The following KCNMB4 variants were observed in gnomAD, a reference collection of about 807,000 sequenced individuals.
KCNMB4 encodes calcium-activated potassium channel subunit beta-4.
A neutral mutation model predicts 20.7 loss-of-function variants in KCNMB4; 3 were observed. The ratio of observed to expected loss-of-function variants is 0.14; its 90% CI spans 0.07 to 0.37. KCNMB4 has a LOEUF of 0.37. Ranked by LOEUF, KCNMB4 falls within the 10% of genes least tolerant of loss-of-function variation. KCNMB4 has a pLI of 1.00. For synonymous variants in KCNMB4, 110 were observed against 113.4 expected (o/e 0.97, Z 0.19); for missense variants, 168 against 265.9 (o/e 0.63, Z 2.56).
intron 2 of KCNMB4, among the ~76,000 whole-genome samples, chr12:70,412,183 T>A (rs541610150): frequency 6.6e-6 from 1 of 152,336 alleles, no homozygotes; most frequent in East Asian, 1.9e-4. Flanking sequence ...CCTGGGTAAC[T>A]GTTTTGGAGG....
intron 1 of KCNMB4, among the ~76,000 whole-genome samples, chr12:70,391,933 T>G (rs1017793625): frequency 1.3e-5 from 2 of 152,188 alleles, no homozygotes; most frequent in African/African-American, 4.8e-5. Flanking sequence ...TGAAATGGGA[T>G]GTATATTAAT....
intron 2 of KCNMB4, among the ~76,000 whole-genome samples, chr12:70,424,459 T>C (rs1309889546): frequency 2.0e-4 from 17 of 84,020 alleles, no homozygotes; most frequent in Admixed American, 5.0e-4. Flanking sequence ...AAAAAAAAAA[T>C]ATTGCAAAGG....
intron 2 of KCNMB4, among the ~76,000 whole-genome samples, chr12:70,429,710 C>T (rs1419076211): frequency 1.3e-5 from 2 of 151,102 alleles, no homozygotes; most frequent in African/African-American, 2.4e-5. Context: ...TCCAGGATCT[C>T]TTTCTAATGG....
chr12:70,386,447 TC>T (rs770055266), intron 1 of KCNMB4, among the ~76,000 whole-genome samples: 1 of 152,012 alleles, frequency 6.6e-6, no homozygotes, highest in Non-Finnish European at 1.5e-5. Context: ...CTTTTAAACA[TC>T]AATGAGAAAA....
Position 70,366,929 on chromosome 12 carries a change from G to T in KCNMB4, c.195G>T (p.Val65=), listed in dbSNP as rs1883505246. 1 of 1,612,856 alleles carries T rather than the reference G, an allele frequency of 6.2e-7. No individual in the cohort carries two copies. Among genetic ancestry groups the T allele is most frequent in the Non-Finnish European group, 8.5e-7 (1 of 1,179,632 alleles). Residue 65 remains valine, a synonymous_variant, in exon 1 of 3, where the codon GTG becomes GTT. Transcript: ENST00000258111. ...TVLSVQQIGE[V]FECTFTCGAD... ...TGTCGGTGCAGCAGATCGGCGAGGT[G>T]TTCGAGTGCACCTTCACCTGTGGCG...
At chr12:70,378,851 T>A (rs975272531) in intron 1 of KCNMB4, among the ~76,000 whole-genome samples, 21 of 152,188 alleles carry the variant, frequency 1.4e-4, no homozygotes, top group African/African-American at 5.1e-4. Flanking sequence ...GTGTATTTTT[T>A]AAATAATAAG....
chr12:70,378,393 T>C lies in KCNMB4; in HGVS notation c.336+11323T>C, dbSNP rs150504647. 1.1e-3 allele frequency among the ~76,000 whole-genome samples: 166 copies of C among 152,364 alleles called. 1 individual carries two copies. Among genetic ancestry groups the C allele is most frequent in the African/African-American group, 3.7e-3 (155 of 41,596 alleles). ...CTTCCAAACTCCTATAATGTTATTT[T>C]AACCTCCGTTCATGATTTACTAATG... On this transcript the variant is annotated intron_variant, in intron 1 of 2. Coordinates refer to ENST00000258111, the MANE Select transcript of KCNMB4 (RefSeq NM_014505.6).
chr12:70,420,814 T>G (rs991615856), intron 2 of KCNMB4, among the ~76,000 whole-genome samples: 6 of 152,138 alleles, frequency 3.9e-5, no homozygotes, highest in African/African-American at 1.2e-4. Flanking sequence ...ATCCCAGCAC[T>G]TTGGGAGGCC....
chr12:70,414,241 G>A (rs1565865037), intron 2 of KCNMB4, among the ~76,000 whole-genome samples: 1 of 151,970 alleles, frequency 6.6e-6, no homozygotes, highest in Non-Finnish European at 1.5e-5. Context: ...CAAAAAAAAA[G>A]ATTTTGGAAA....
At chr12:70,407,624 C>T (rs961019695) in intron 2 of KCNMB4, among the ~76,000 whole-genome samples, 3 of 151,714 alleles carry the variant, frequency 2.0e-5, no homozygotes, top group Non-Finnish European at 2.9e-5. Flanking sequence ...CCCGCCACCA[C>T]ACCCGGCTAA....
chr12:70,385,919 A>G (rs1868253771), intron 1 of KCNMB4, among the ~76,000 whole-genome samples: 1 of 152,206 alleles, frequency 6.6e-6, no homozygotes, highest in Non-Finnish European at 1.5e-5. Context: ...TTCCAGGTCA[A>G]CTCTGTGAAA....
At chr12:70,404,706 G>A (rs1261282202) in intron 2 of KCNMB4, among the ~76,000 whole-genome samples, 1 of 152,160 alleles carries the variant, frequency 6.6e-6, no homozygotes, top group Non-Finnish European at 1.5e-5. Flanking sequence ...AAGTGATAAG[G>A]AAAAAGGTGT....
intron 1 of KCNMB4, among the ~76,000 whole-genome samples, chr12:70,385,746 C>T (rs710665): frequency 0.68 from 103,433 of 152,068 alleles, 35,557 homozygotes; most frequent in African/African-American, 0.8. Context: ...GTGAATACTT[C>T]GATCAATTCT....
At chr12:70,424,389 C>T (rs564799654) in intron 2 of KCNMB4, among the ~76,000 whole-genome samples, 13 of 150,312 alleles carry the variant, frequency 8.6e-5, no homozygotes, top group South Asian at 8.4e-4. Flanking sequence ...AAAGGTGAGC[C>T]GAGATCGCGC....
At chr12:70,412,502 T>C (rs1473963106) in intron 2 of KCNMB4, among the ~76,000 whole-genome samples, 1 of 152,162 alleles carries the variant, frequency 6.6e-6, no homozygotes, top group Non-Finnish European at 1.5e-5. Context: ...AAATGATTGG[T>C]CAGTTGTAGT....
chr12:70,372,752 A>C (rs1370557173), intron 1 of KCNMB4, among the ~76,000 whole-genome samples: 11 of 152,224 alleles, frequency 7.2e-5, no homozygotes, highest in Non-Finnish European at 1.2e-4. Flanking sequence ...CTAGCAGAGG[A>C]GATAAGGACA....
chr12:70,431,004 A>G lies in KCNMB4; in HGVS notation c.*351A>G, dbSNP rs1869349863. 1 of 158,922 alleles carries G rather than the reference A, an allele frequency of 6.3e-6. No individual in the cohort carries two copies. The highest frequency in any genetic ancestry group is 2.1e-4 in the South Asian group (1 of 4,876). The allele number at this position is 158,922 out of a possible 1,614,324, so 9.8% of individuals were successfully genotyped here. On this transcript the variant is annotated 3_prime_UTR_variant, in exon 3 of 3. Coordinates refer to ENST00000258111, the MANE Select transcript of KCNMB4 (RefSeq NM_014505.6). ...TTATGCTACTTAAAAATATTAAAAT[A>G]GAGTGGTCTGTGTTATTTTCTATTT...
chr12:70,369,048 A>T (rs1204260299), intron 1 of KCNMB4, among the ~76,000 whole-genome samples: 1 of 152,202 alleles, frequency 6.6e-6, no homozygotes, highest in Non-Finnish European at 1.5e-5. Flanking sequence ...AGTTGTTTTG[A>T]AAAAGTACCT....
At chr12:70,389,305 TCTC>T (rs1314436632) in intron 1 of KCNMB4, among the ~76,000 whole-genome samples, 3 of 152,200 alleles carry the variant, frequency 2.0e-5, no homozygotes, top group Admixed American at 2.0e-4. Flanking sequence ...TTTCCAAAAT[TCTC>T]CTGCAGAATT....
Sources: gnomAD v4.1 joint callset for allele counts (sites outside exome capture counted in the v4.1 genomes callset) on GRCh38, gnomAD v4.1.1 for gene constraint, MANE v1.5 for transcripts, NCBI Gene and HGNC (gene_info 2026-07-23, HGNC 2026-07-21) for gene names.